HPGD: variants seen among roughly 807,000 people sequenced by gnomAD.
HPGD encodes the protein 15-hydroxyprostaglandin dehydrogenase.
A neutral mutation model predicts 30.0 loss-of-function variants in HPGD; 29 were observed. The ratio of observed to expected loss-of-function variants is 0.97; its 90% CI spans 0.72 to 1.32. The LOEUF (loss-of-function observed/expected upper bound fraction) is 1.32, where lower values mean the gene tolerates loss of function less well. Among genes scored for constraint, HPGD ranks in the 40% most tolerant of loss-of-function variants. The probability of loss-of-function intolerance (pLI) is 0.00; values close to 1 mark genes in which losing one functional copy is unlikely to be tolerated. For synonymous variants in HPGD, 99 were observed against 112.4 expected, an observed-to-expected ratio of 0.88 and a Z score of 0.75; for missense variants, 340 against 322.1, an observed-to-expected ratio of 1.06 and a Z score of -0.43.
At chr4:174,507,728 A>C (rs1735258536) in intron 4 of HPGD, 1 of 169,992 alleles carries the variant, frequency 5.9e-6, no homozygotes, top group South Asian at 2.0e-4. Context: ...ATTTTTTCCT[A>C]GAGTTTTAAA....
chr4:174,522,590 C>T (rs748049663), upstream of HPGD: 1 of 569,352 alleles, frequency 1.8e-6, no homozygotes, highest in Non-Finnish European at 2.9e-6. Flanking sequence ...AACTGTCAAG[C>T]CAGCGCCCGC....
intron 4 of HPGD, among the ~76,000 whole-genome samples, chr4:174,505,224 C>T (rs916456822): frequency 1.3e-5 from 2 of 152,210 alleles, no homozygotes. Flanking sequence ...AGTGTGCCAA[C>T]TTAAGGTTTT....
intron 2 of HPGD, among the ~76,000 whole-genome samples, 156 bp from the exon 3 acceptor site, chr4:174,518,233 T>C (rs1735896702): frequency 6.6e-6 from 1 of 152,222 alleles, no homozygotes; most frequent in Non-Finnish European, 1.5e-5. Context: ...TGTTTCTCAA[T>C]GTGTGGTTTG....
In HPGD at chr4:174,508,832, T is replaced by C. The variant is rs376553456; in HGVS notation, c.325-40A>G. 6 of 1,067,852 alleles carry C rather than the reference T, an allele frequency of 5.6e-6. No homozygotes were observed. In the African/African-American group the frequency reaches 7.7e-5, roughly 14 times the overall value. The allele number at this position is 1,067,852 out of a possible 1,614,324, so 66.1% of individuals were successfully genotyped here. On this transcript the variant is annotated intron_variant, in intron 3 of 6. Transcript: ENST00000296522. Reference sequence around the variant, plus strand: ...TAAGTGAGAAAAGGAATACAGTCATTATCCTTTCCCATATTTTCACACACC... The same window carrying C: ...TAAGTGAGAAAAGGAATACAGTCATCATCCTTTCCCATATTTTCACACACC...
chr4:174,495,414 A>T (rs1484075476), intron 5 of HPGD, 134 bp downstream of exon 5: 1 of 704,722 alleles, frequency 1.4e-6, no homozygotes, highest in Non-Finnish European at 2.6e-6. Context: ...ATAACTTTTT[A>T]TAATTGAGAT....
intron 2 of HPGD, among the ~76,000 whole-genome samples, chr4:174,520,168 G>C (rs986820967): frequency 6.6e-6 from 1 of 151,764 alleles, no homozygotes; most frequent in African/African-American, 2.4e-5. Flanking sequence ...TCCTCATTCT[G>C]TTCTCCACCG....
In HPGD at chr4:174,496,211, C is replaced by T. The variant is rs1022051872; in HGVS notation, c.422-587G>A. Among the ~76,000 whole-genome samples the T allele has an allele frequency of 3.9e-5, 6 of 152,124 alleles. No individual in the cohort carries two copies. Among genetic ancestry groups the T allele is most frequent in the African/African-American group, 1.4e-4 (6 of 41,432 alleles). On this transcript the variant is annotated intron_variant, in intron 4 of 6. Coordinates refer to ENST00000296522, the MANE Select transcript of HPGD (RefSeq NM_000860.6). The surrounding 1 kb of genome is among the most constrained non-coding windows in gnomAD (Gnocchi z 4.6). ...TTGTAGATGCCTAGATCTTTTTGTC[C>T]TATGACTTAGGAAGATAGAAATAAA...
Position 174,522,169 on chromosome 4 carries a change from C to T in HPGD, c.94-102G>A. 3 of 1,575,506 alleles carry T rather than the reference C, an allele frequency of 1.9e-6. No homozygotes were observed. The South Asian group carries it at 3.3e-5, about 18-fold the overall frequency. On this transcript the variant is annotated intron_variant, in intron 1 of 6. Coordinates refer to ENST00000296522, the MANE Select transcript of HPGD (RefSeq NM_000860.6). ...CTCCCCTCCTGGACCTGAAATTTGGCAATTAGGTTTGGGTTCCCTCCCAGC... is the reference window on the plus strand; with the variant it reads ...CTCCCCTCCTGGACCTGAAATTTGGTAATTAGGTTTGGGTTCCCTCCCAGC...
intron 3 of HPGD, among the ~76,000 whole-genome samples, chr4:174,509,972 C>A (rs999991086): frequency 6.6e-6 from 1 of 150,724 alleles, no homozygotes; most frequent in Non-Finnish European, 1.5e-5. Context: ...CCTTACTTTT[C>A]CTTTTGGATT....
Position 174,493,322 on chromosome 4 carries a change from T to G in HPGD, c.499-8A>C. The stretch of plus-strand genomic sequence containing the variant: ...CATAAGATTAGCAGCCAACTGCCAA[T>G]TAGAAGGTTGTAGGTTTCAGCAGTT... On this transcript the variant is annotated splice_region_variant and splice_polypyrimidine_tract_variant and intron_variant, in intron 5 of 6. Transcript: ENST00000296522. 1 of 1,612,806 alleles carries G rather than the reference T, an allele frequency of 6.2e-7. No individual in the cohort carries two copies. The highest frequency in any genetic ancestry group is 8.5e-7 in the Non-Finnish European group (1 of 1,179,072).
At chr4:174,497,038 A>T (rs1268755015) in intron 4 of HPGD, among the ~76,000 whole-genome samples, 1 of 152,232 alleles carries the variant, frequency 6.6e-6, no homozygotes, top group Non-Finnish European at 1.5e-5. Flanking sequence ...GTATACTAGG[A>T]GTGGAAGATA....
intron 4 of HPGD, among the ~76,000 whole-genome samples, chr4:174,497,928 C>T (rs1269573605): frequency 1.4e-5 from 2 of 147,514 alleles, no homozygotes; most frequent in Non-Finnish European, 3.0e-5. Flanking sequence ...CCGCCCCATA[C>T]CTTCCCTCCC....
At chr4:174,509,923 G>GA (rs10708627) in intron 3 of HPGD, among the ~76,000 whole-genome samples, 58 of 136,292 alleles carry the variant, frequency 4.3e-4, no homozygotes, top group Admixed American at 1.1e-3. Flanking sequence ...AAAAAAAAAA[G>GA]AAAAAAAAAA....
chr4:174,522,554 G>C, upstream of HPGD: 1 of 787,868 alleles, frequency 1.3e-6, no homozygotes, highest in Non-Finnish European at 1.9e-6. Context: ...CCGGCGGGGC[G>C]CTCCCCTGCC....
At chr4:174,516,307 C>A (rs2031650437) in intron 3 of HPGD, among the ~76,000 whole-genome samples, 1 of 106,046 alleles carries the variant, frequency 9.4e-6, no homozygotes, top group Middle Eastern at 5.3e-3. Context: ...CACCACACAC[C>A]CATAAAAAAG....
intron 3 of HPGD, among the ~76,000 whole-genome samples, chr4:174,509,350 T>C (rs1050673019): frequency 6.6e-6 from 1 of 152,178 alleles, no homozygotes; most frequent in Non-Finnish European, 1.5e-5. Flanking sequence ...AGGAAGGTGA[T>C]CTCCCCAAAT....
At chr4:174,517,903 C>CTCTTTTT in intron 3 of HPGD, 68 bp downstream of exon 3, 1 of 864,610 alleles carries the variant, frequency 1.2e-6, no homozygotes, top group African/African-American at 1.7e-5. Flanking sequence ...CTCCAAGAAC[C>CTCTTTTT]TTTTTTTCTT....
intron 1 of HPGD, 100 bp downstream of exon 1, chr4:174,522,259 C>A: frequency 2.2e-6 from 3 of 1,366,834 alleles, no homozygotes; most frequent in Non-Finnish European, 2.0e-6. Context: ...GTGGGCACGC[C>A]GGGCGCGGCC....
At position 174,494,024 on chromosome 4, in the gene HPGD, T is replaced by C. The variant is rs543002374; in HGVS notation, c.499-710A>G. Among the ~76,000 whole-genome samples the C allele has an allele frequency of 6.6e-6, 1 of 152,314 alleles. No individual in the cohort carries two copies. The highest frequency in any genetic ancestry group is 2.1e-4 in the South Asian group (1 of 4,828). ...CTGCTGAGGTCAAGTAAGACTATAC[T>C]CTGTCGTGCCATGTTTTTCTAATTT... On this transcript the variant is annotated intron_variant, in intron 5 of 6. Transcript: ENST00000296522. The surrounding 1 kb of genome is among the most constrained non-coding windows in gnomAD (Gnocchi z 4.9).
Sources: gnomAD v4.1 joint callset for allele counts (sites outside exome capture counted in the v4.1 genomes callset) on GRCh38, gnomAD v4.1.1 for gene constraint, Gnocchi (gnomAD v3.1) non-coding constraint, MANE v1.5 for transcripts, NCBI Gene and HGNC (gene_info 2026-07-23, HGNC 2026-07-21) for gene names.